The following STAU2 variants were observed in gnomAD, a reference collection of about 807,000 sequenced individuals.
STAU2 encodes staufen double-stranded RNA binding protein 2.
A neutral mutation model predicts 65.9 loss-of-function variants in STAU2; 20 were observed. The ratio of observed to expected loss-of-function variants is 0.30; its 90% CI spans 0.21 to 0.44. STAU2 has a LOEUF of 0.44. STAU2 is among the 20% of genes least tolerant of loss of function. STAU2 has a pLI of 1.00. For synonymous variants in STAU2, 232 were observed against 233.9 expected (o/e 0.99, Z 0.07); for missense variants, 558 against 683.9 (o/e 0.82, Z 2.05).
intron 13 of STAU2, among the ~76,000 whole-genome samples, chr8:73,468,375 C>A (rs1053685875): frequency 6.6e-6 from 1 of 152,158 alleles, no homozygotes; most frequent in East Asian, 1.9e-4. Context: ...TAGGCAATAC[C>A]GTTCAGGACA....
chr8:73,711,412 A>C (rs1461343408), intron 3 of STAU2, among the ~76,000 whole-genome samples: 1 of 152,170 alleles, frequency 6.6e-6, no homozygotes, highest in African/African-American at 2.4e-5. Context: ...GCAAAAGCAG[A>C]ATAATTGGTT....
chr8:73,420,440 T>C lies in STAU2; in HGVS notation c.*932A>G. ...GATTCCAACATGCTGGCCCGGAGCGTGGCTGGCTGGAAGCAACTCCAACAG... is the reference window on the plus strand; with the variant it reads ...GATTCCAACATGCTGGCCCGGAGCGCGGCTGGCTGGAAGCAACTCCAACAG... On this transcript the variant is annotated 3_prime_UTR_variant, in exon 15 of 15. Coordinates refer to ENST00000524300, the MANE Select transcript of STAU2 (RefSeq NM_001164380.2). The C allele has an allele frequency of 3.5e-6, 1 of 289,528 alleles. No individual in the cohort carries two copies. The highest frequency in any genetic ancestry group is 7.0e-6 in the Non-Finnish European group (1 of 142,758). The allele number at this position is 289,528 out of a possible 1,614,324, so 17.9% of individuals were successfully genotyped here.
Position 73,581,359 on chromosome 8 carries a change from T to A in STAU2, c.1222+1411A>T, listed in dbSNP as rs760505478. Among the ~76,000 whole-genome samples, 46 of 152,206 alleles carry A rather than the reference T, an allele frequency of 3.0e-4. 1 individual carries two copies. The highest frequency in any genetic ancestry group is 5.9e-4 in the Non-Finnish European group (40 of 68,040). On this transcript the variant is annotated intron_variant, in intron 12 of 14. Transcript: ENST00000524300. Reference sequence around the variant, plus strand: ...ATAAGCTATATATTCTTGGTCACCATATGTATGCACAAACCATCTGACAGA... The same window carrying A: ...ATAAGCTATATATTCTTGGTCACCAAATGTATGCACAAACCATCTGACAGA...
At chr8:73,688,611 A>C (rs1819115342) in intron 5 of STAU2, 43 bp downstream of exon 5, 4 of 1,609,844 alleles carry the variant, frequency 2.5e-6, no homozygotes, top group Non-Finnish European at 3.4e-6. Flanking sequence ...AACAAGCAGA[A>C]CACACATAGC....
intron 6 of STAU2, among the ~76,000 whole-genome samples, chr8:73,620,925 A>G (rs1238789434): frequency 1.3e-5 from 2 of 152,222 alleles, no homozygotes; most frequent in African/African-American, 2.4e-5. Flanking sequence ...AGATTGAATT[A>G]CAGGGGAGAT....
intron 13 of STAU2, among the ~76,000 whole-genome samples, chr8:73,544,835 T>C (rs987130572): frequency 2.0e-5 from 3 of 152,246 alleles, no homozygotes; most frequent in Non-Finnish European, 4.4e-5. Context: ...CATTGTGTAA[T>C]GTTTGAACAC....
chr8:73,732,527 T>A (rs1206446685), intron 3 of STAU2: 1 of 152,138 alleles, frequency 6.6e-6, no homozygotes, highest in Non-Finnish European at 1.5e-5. Context: ...AAAGTAGAAG[T>A]CTTTCTTACA....
At chr8:73,527,587 A>G (rs1805529300) in intron 13 of STAU2, 2 of 776,462 alleles carry the variant, frequency 2.6e-6, no homozygotes. Flanking sequence ...CAGATAATGT[A>G]TTAAGGAAAG....
intron 10 of STAU2, among the ~76,000 whole-genome samples, chr8:73,601,438 G>A (rs1008502260): frequency 4.6e-5 from 7 of 151,906 alleles, no homozygotes; most frequent in South Asian, 2.1e-4. Flanking sequence ...ATTTTCTTTC[G>A]TTTATCTAGT....
At chr8:73,606,084 G>C (rs927379974) in intron 9 of STAU2, among the ~76,000 whole-genome samples, 4 of 151,862 alleles carry the variant, frequency 2.6e-5, no homozygotes, top group Non-Finnish European at 5.9e-5. Context: ...AACTCAAAAT[G>C]CCTCACAGAC....
chr8:73,614,566 G>A (rs1812697121), intron 8 of STAU2, among the ~76,000 whole-genome samples: 1 of 152,024 alleles, frequency 6.6e-6, no homozygotes, highest in Admixed American at 6.6e-5. Context: ...AATGAGTTAT[G>A]GACCTGTCAA....
intron 3 of STAU2, among the ~76,000 whole-genome samples, chr8:73,715,766 A>C (rs1821207967): frequency 6.6e-6 from 1 of 152,188 alleles, no homozygotes; most frequent in African/African-American, 2.4e-5. Flanking sequence ...AATGAGATAA[A>C]TATTATTATT....
intron 2 of STAU2, 82 bp from the exon 3 acceptor site, chr8:73,738,431 A>G: frequency 1.1e-6 from 1 of 917,312 alleles, no homozygotes; most frequent in Non-Finnish European, 1.6e-6. Flanking sequence ...GCCCTTGATC[A>G]AAATCAAATA....
chr8:73,727,064 T>C (rs970466525), intron 3 of STAU2, among the ~76,000 whole-genome samples: 2 of 152,012 alleles, frequency 1.3e-5, no homozygotes, highest in South Asian at 4.1e-4. Flanking sequence ...ACCCCGTCTC[T>C]ACTAAAAATA....
At chr8:73,671,902 G>GT (rs1277064255) in intron 6 of STAU2, among the ~76,000 whole-genome samples, 3 of 152,044 alleles carry the variant, frequency 2.0e-5, no homozygotes, top group Non-Finnish European at 4.4e-5. Context: ...GCAGGTGCCT[G>GT]TAATCCCAGC....
chr8:73,720,458 C>T (rs1056158066), intron 3 of STAU2, among the ~76,000 whole-genome samples: 1 of 148,622 alleles, frequency 6.7e-6, no homozygotes, highest in African/African-American at 2.5e-5. Flanking sequence ...GCAATATCTC[C>T]TAATGTTGTA....
chr8:73,613,230 G>T (rs933828256), intron 9 of STAU2, among the ~76,000 whole-genome samples: 1 of 152,158 alleles, frequency 6.6e-6, no homozygotes, highest in Non-Finnish European at 1.5e-5. Context: ...ATCATTGTTA[G>T]TATTAGTCAC....
chr8:73,517,733 A>C (rs75789157), intron 13 of STAU2, among the ~76,000 whole-genome samples: 2 of 149,010 alleles, frequency 1.3e-5, no homozygotes, highest in South Asian at 4.4e-4. Context: ...TCATTTCAGG[A>C]AAAAAAAAAG....
rs56744849 is a variant in STAU2, at chr8:73,690,328, C to CAAAAAAAAAAAAA, written c.115-1528_115-1516dup. Among the ~76,000 whole-genome samples, 393 of 58,138 alleles carry CAAAAAAAAAAAAA rather than the reference C, an allele frequency of 6.8e-3. 17 individuals carry two copies. The highest frequency in any genetic ancestry group is 0.023 in the African/African-American group (354 of 15,156). The allele number at this position is 58,138 out of a possible 152,430, so 38.1% of individuals were successfully genotyped here. A position where few individuals can be genotyped will look rare whatever the true frequency, so the allele number is the denominator to read the frequency against. On this transcript the variant is annotated intron_variant, in intron 4 of 14. Transcript: ENST00000524300. ...TGGGTGACAGAGCGAGACTCTGTCT[C>CAAAAAAAAAAAAA]AAAAAAAAAAAAAAAAAAGGAAAAG...
Sources: allele counts gnomAD v4.1 joint callset (sites outside exome capture counted in the v4.1 genomes callset), GRCh38; gene constraint gnomAD v4.1.1; transcripts MANE v1.5; gene names NCBI Gene and HGNC (gene_info 2026-07-23, HGNC 2026-07-21).